PTPRZ1: variants seen among roughly 807,000 people sequenced by gnomAD.
PTPRZ1 encodes protein tyrosine phosphatase receptor type Z1.
Under a neutral mutation model 214.1 loss-of-function variants are expected in PTPRZ1, and 82 were observed. The ratio of observed to expected loss-of-function variants is 0.38; its 90% CI spans 0.32 to 0.46. The LOEUF is 0.46. PTPRZ1 is among the 20% of genes least tolerant of loss of function. The pLI, the probability that PTPRZ1 is intolerant of heterozygous loss-of-function variation, is 1.00. For synonymous variants in PTPRZ1, 945 were observed against 987.9 expected (o/e 0.96, Z 0.81); for missense variants, 2,603 against 2,748.7 (o/e 0.95, Z 1.19).
chr7:121,877,571 T>G (rs553263729), intron 1 of PTPRZ1, among the ~76,000 whole-genome samples: 2 of 152,278 alleles, frequency 1.3e-5, no homozygotes, highest in Admixed American at 1.3e-4. Flanking sequence ...CCATGCTACT[T>G]TAACTACTCA....
rs780717043 is a variant in PTPRZ1 at position 121,997,864 on chromosome 7, A to C, written c.1114-16A>C. 1 of 1,593,760 alleles carries C rather than the reference A, an allele frequency of 6.3e-7. No homozygotes were observed. Among genetic ancestry groups the C allele is most frequent in the South Asian group, 1.1e-5 (1 of 89,698 alleles). Reference sequence around the variant, plus strand: ...TGAGAATAACATTTGTATAATTACTAACATCTTTCTTTTAGGGTGCTATTC... The same window carrying C: ...TGAGAATAACATTTGTATAATTACTCACATCTTTCTTTTAGGGTGCTATTC... On this transcript the variant is annotated splice_polypyrimidine_tract_variant and intron_variant, in intron 9 of 29. Transcript: ENST00000393386.
intron 8 of PTPRZ1, among the ~76,000 whole-genome samples, chr7:121,988,381 G>A (rs2116583084): frequency 1.3e-5 from 2 of 152,098 alleles, no homozygotes; most frequent in East Asian, 3.9e-4. Flanking sequence ...AGGTCATGTT[G>A]GTTGGATGAG....
chr7:122,052,323 T>C (rs1792211671), intron 25 of PTPRZ1, among the ~76,000 whole-genome samples: 1 of 152,026 alleles, frequency 6.6e-6, no homozygotes, highest in Non-Finnish European at 1.5e-5. Flanking sequence ...CTACTTCAGG[T>C]TTGCAGCATG....
chr7:122,011,065 T>C lies in PTPRZ1; in HGVS notation c.2019T>C (p.Phe673=). 1 of 1,614,106 alleles carries C rather than the reference T, an allele frequency of 6.2e-7. No homozygotes were observed. Among genetic ancestry groups the C allele is most frequent in the Non-Finnish European group, 8.5e-7 (1 of 1,180,002 alleles). ...ATGTTGGATCAGGCAGAGAGAGCTT[T>C]CTCCAGACTAATTACACTGAGATAC... ...QPDVGSGRES[F]LQTNYTEIRV... Residue 673 remains phenylalanine, a synonymous_variant, in exon 12 of 30, where the codon TTT becomes TTC. Coordinates refer to ENST00000393386, the MANE Select transcript of PTPRZ1 (RefSeq NM_002851.3).
chr7:122,041,000 T>C, intron 21 of PTPRZ1, 21 bp downstream of exon 21: 1 of 1,473,620 alleles, frequency 6.8e-7, no homozygotes, highest in Non-Finnish European at 9.1e-7. Context: ...GAGATGTGCC[T>C]CTAAACCCAT....
chr7:121,953,782 G>A (rs754613948), intron 2 of PTPRZ1, among the ~76,000 whole-genome samples: 7 of 151,830 alleles, frequency 4.6e-5, no homozygotes, highest in African/African-American at 1.2e-4. Context: ...AGAAAACGGT[G>A]TAGATCAAAG....
chr7:122,004,864 T>C lies in PTPRZ1; in HGVS notation c.1287+204T>C, dbSNP rs1462042587. Among the ~76,000 whole-genome samples the C allele has an allele frequency of 2.0e-5, 3 of 151,918 alleles. No homozygotes were observed. In the East Asian group the frequency reaches 5.8e-4, roughly 29 times the overall value. On this transcript the variant is annotated intron_variant, in intron 11 of 29. Transcript: ENST00000393386. ...ATGAAGAAGTTGAAAGATGTTTTGA[T>C]TGGTATAGTACTAAAAAACAAGAAA...
At chr7:121,902,635 T>G (rs1270161859) in intron 1 of PTPRZ1, among the ~76,000 whole-genome samples, 2 of 152,268 alleles carry the variant, frequency 1.3e-5, no homozygotes, top group Admixed American at 6.5e-5. Context: ...TTTTTTTCAC[T>G]TACCTATCTG....
At chr7:121,909,206 T>C (rs1409755275) in intron 1 of PTPRZ1, among the ~76,000 whole-genome samples, 1 of 152,170 alleles carries the variant, frequency 6.6e-6, no homozygotes. Flanking sequence ...TGACTCTTTT[T>C]TCAGAAGCTG....
chr7:122,023,726 T>TATATATA (rs1562868705), intron 13 of PTPRZ1, among the ~76,000 whole-genome samples: 3 of 108,782 alleles, frequency 2.8e-5, no homozygotes, highest in Middle Eastern at 8.6e-3. Flanking sequence ...ATATATATTA[T>TATATATA]ATGTATAATT....
intron 8 of PTPRZ1, among the ~76,000 whole-genome samples, chr7:121,994,393 C>G (rs1584722091): frequency 7.4e-6 from 1 of 135,948 alleles, no homozygotes; most frequent in South Asian, 2.5e-4. Context: ...ATCCCGGGTT[C>G]ACGCCATTCT....
chr7:122,000,664 T>C (rs1584728922), intron 10 of PTPRZ1, among the ~76,000 whole-genome samples: 1 of 45,994 alleles, frequency 2.2e-5, no homozygotes, highest in African/African-American at 7.9e-5. Context: ...TATATATATA[T>C]ATATATATAT....
intron 8 of PTPRZ1, among the ~76,000 whole-genome samples, chr7:121,992,050 CTG>C (rs1296648921): frequency 6.6e-6 from 1 of 152,174 alleles, no homozygotes; most frequent in Non-Finnish European, 1.5e-5. Flanking sequence ...TTGGCATGAG[CTG>C]TGTTATACTG....
intron 18 of PTPRZ1, among the ~76,000 whole-genome samples, chr7:122,038,260 A>G (rs1799608560): frequency 6.6e-6 from 1 of 152,158 alleles, no homozygotes; most frequent in African/African-American, 2.4e-5. Flanking sequence ...CTTGTACAAA[A>G]TGGGACACAG....
At chr7:121,993,617 A>G (rs6964319) in intron 8 of PTPRZ1, among the ~76,000 whole-genome samples, 53,645 of 149,134 alleles carry the variant, frequency 0.36, 11,182 homozygotes, top group Middle Eastern at 0.48. Flanking sequence ...AACAAAGATA[A>G]TTGGGCTGAT....
chr7:122,037,848 T>G (rs921507888), intron 18 of PTPRZ1, among the ~76,000 whole-genome samples: 1 of 152,200 alleles, frequency 6.6e-6, no homozygotes, highest in Non-Finnish European at 1.5e-5. Flanking sequence ...CCATTTTGCA[T>G]AGATGAAAGA....
At chr7:121,980,900 T>C (rs1797586445) in intron 6 of PTPRZ1, among the ~76,000 whole-genome samples, 1 of 152,048 alleles carries the variant, frequency 6.6e-6, no homozygotes, top group African/African-American at 2.4e-5. Context: ...CCCAGCACTT[T>C]GGGAGGCCGA....
intron 2 of PTPRZ1, among the ~76,000 whole-genome samples, chr7:121,956,147 A>G (rs1396944013): frequency 2.0e-5 from 3 of 151,982 alleles, no homozygotes; most frequent in African/African-American, 7.3e-5. Flanking sequence ...TAGGACTGCA[A>G]CTACCCGTCC....
At chr7:122,051,706 G>A (rs184328861) in intron 24 of PTPRZ1, among the ~76,000 whole-genome samples, 160 bp from the exon 25 acceptor site, 12 of 152,276 alleles carry the variant, frequency 7.9e-5, no homozygotes, top group Admixed American at 2.6e-4. Context: ...TATGCAAAAT[G>A]TATAGAAAAA....
Sources: gnomAD v4.1 joint callset for allele counts (sites outside exome capture counted in the v4.1 genomes callset) on GRCh38, gnomAD v4.1.1 for gene constraint, MANE v1.5 for transcripts, NCBI Gene and HGNC (gene_info 2026-07-23, HGNC 2026-07-21) for gene names.